Variants in THRA observed in about 807,000 individuals in gnomAD.
THRA encodes thyroid hormone receptor alpha.
Under a neutral mutation model 45.0 loss-of-function variants are expected in THRA, and 13 were observed. That is an observed-to-expected ratio of 0.29 (90% CI 0.19 to 0.46). The LOEUF is 0.46. Among genes scored for constraint, THRA ranks in the 20% least tolerant of loss-of-function variants. THRA has a pLI of 1.00. For missense variants in THRA, 278 were observed against 556.1 expected (o/e 0.50, Z 5.03); for synonymous variants, 195 against 214.0 (o/e 0.91, Z 0.78).
intron 4 of THRA, among the ~76,000 whole-genome samples, chr17:40,077,817 C>T (rs556075156): frequency 1.2e-4 from 19 of 152,234 alleles, no homozygotes; most frequent in Non-Finnish European, 1.9e-4. Flanking sequence ...CTACCTCGGC[C>T]TCCTGAGTAG....
chr17:40,069,152 C>G (rs1986682907), intron 1 of THRA: 1 of 145,570 alleles, frequency 6.9e-6, no homozygotes, highest in African/African-American at 2.6e-5. Flanking sequence ...TCCCCCTCCC[C>G]CTCTCTGTCT....
intron 1 of THRA, among the ~76,000 whole-genome samples, chr17:40,068,597 G>A (rs1234339029): frequency 6.6e-6 from 1 of 152,242 alleles, no homozygotes; most frequent in East Asian, 1.9e-4. Flanking sequence ...AGCAAGATGG[G>A]TGTTACTGGT....
Position 40,089,570 on chromosome 17 carries a change from C to T in THRA, c.*114C>T. 6.8e-7 allele frequency: 1 copy of T among 1,473,700 alleles called. No individual in the cohort carries two copies. The highest frequency in any genetic ancestry group is 9.0e-7 in the Non-Finnish European group (1 of 1,116,566). The allele number at this position is 1,473,700 out of a possible 1,614,324, so 91.3% of individuals were successfully genotyped here. On this transcript the variant is annotated 3_prime_UTR_variant, in exon 9 of 9. Coordinates refer to ENST00000450525, the MANE Select transcript of THRA (RefSeq NM_199334.5). The surrounding 1 kb of genome is among the most constrained non-coding windows in gnomAD (Gnocchi z 6.1). ...CACCCCTTCTCTCCTTCCTCTCGTC[C>T]TTGGATAGATTCAGCTCCCACACAC...
At chr17:40,066,681 A>G (rs1448412699) in intron 1 of THRA, among the ~76,000 whole-genome samples, 9 of 74,808 alleles carry the variant, frequency 1.2e-4, no homozygotes, top group Non-Finnish European at 1.8e-4. Context: ...AAAAAAAAAA[A>G]AAAGAAAAAC....
intron 1 of THRA, among the ~76,000 whole-genome samples, chr17:40,066,690 AC>A (rs1567647142): frequency 2.6e-5 from 2 of 77,286 alleles, no homozygotes; most frequent in African/African-American, 1.2e-4. Context: ...AAAAAGAAAA[AC>A]AAAAAAGAAC....
Position 40,074,433 on chromosome 17 carries a change from G to A in THRA, c.-56G>A. 1.2e-6 allele frequency: 2 copies of A among 1,600,040 alleles called. No homozygotes were observed. The highest frequency in any genetic ancestry group is 1.7e-6 in the Non-Finnish European group (2 of 1,167,862). ...CTGTGGGTGTGCCGGGGGGGCCAGT[G>A]TGCCCACCCCAGTCTCTTGGCGTGC... On this transcript the variant is annotated 5_prime_UTR_variant, in exon 2 of 9. The change creates a new upstream start codon in the 5' untranslated region. Coordinates refer to ENST00000450525, the MANE Select transcript of THRA (RefSeq NM_199334.5).
chr17:40,089,543 C>A lies in THRA; in HGVS notation c.*87C>A. On this transcript the variant is annotated 3_prime_UTR_variant, in exon 9 of 9. Transcript: ENST00000450525. This position sits in a 1 kb window ranked among gnomAD's most constrained non-coding sequence, Gnocchi z 6.1. Reference sequence around the variant, plus strand: ...AGCTGGGGGCTGAGGGAGACCCCCCCACACCCCTTCTCTCCTTCCTCTCGT... The same window carrying A: ...AGCTGGGGGCTGAGGGAGACCCCCCAACACCCCTTCTCTCCTTCCTCTCGT... The A allele has an allele frequency of 6.6e-7, 1 of 1,519,952 alleles. No individual in the cohort carries two copies. Among genetic ancestry groups the A allele is most frequent in the Non-Finnish European group, 8.8e-7 (1 of 1,136,946 alleles). The allele number at this position is 1,519,952 out of a possible 1,614,324, so 94.2% of individuals were successfully genotyped here. A position where few individuals can be genotyped will look rare whatever the true frequency, so the allele number is the denominator to read the frequency against.
chr17:40,086,440 A>G (rs1035227758), intron 6 of THRA, among the ~76,000 whole-genome samples: 1 of 152,234 alleles, frequency 6.6e-6, no homozygotes, highest in Admixed American at 6.5e-5. Flanking sequence ...CATGTAAAAC[A>G]TGTAGCCTGA....
chr17:40,081,073 C>G (rs1288308280), intron 4 of THRA, among the ~76,000 whole-genome samples: 1 of 151,984 alleles, frequency 6.6e-6, no homozygotes, highest in Non-Finnish European at 1.5e-5. Context: ...ACGTTGGTGT[C>G]CCATACCTGA....
intron 1 of THRA, among the ~76,000 whole-genome samples, chr17:40,071,609 CG>C (rs1161366592): frequency 6.6e-6 from 1 of 152,232 alleles, no homozygotes; most frequent in Non-Finnish European, 1.5e-5. Flanking sequence ...TCCGCCCCCT[CG>C]GCCTCCTTGG....
chr17:40,093,275 C>T (rs201037953), downstream of THRA: 18 of 1,613,556 alleles, frequency 1.1e-5, no homozygotes, highest in East Asian at 1.3e-4. The surrounding 1 kb of genome is among the most constrained non-coding windows in gnomAD (Gnocchi z 5.9). Flanking sequence ...TCTCCATGCC[C>T]GAGCGGTCTG....
intron 2 of THRA, among the ~76,000 whole-genome samples, chr17:40,075,875 C>G (rs953871338): frequency 6.6e-6 from 1 of 152,208 alleles, no homozygotes; most frequent in Non-Finnish European, 1.5e-5. Flanking sequence ...CCCCACGGGG[C>G]GTGGAGCATA....
rs1987540937 is a variant in THRA at position 40,091,355 on chromosome 17, CA to C, written c.*1900del. 1 of 152,740 alleles carries C rather than the reference CA, an allele frequency of 6.5e-6. No homozygotes were observed. The highest frequency in any genetic ancestry group is 2.4e-5 in the African/African-American group (1 of 41,420). The allele number at this position is 152,740 out of a possible 1,614,324, so 9.5% of individuals were successfully genotyped here. A position where few individuals can be genotyped will look rare whatever the true frequency, so the allele number is the denominator to read the frequency against. On this transcript the variant is annotated 3_prime_UTR_variant, in exon 9 of 9. Coordinates refer to ENST00000450525, the MANE Select transcript of THRA (RefSeq NM_199334.5). ...TTCCCCAATCGTTCAGGTGTTCCAA[CA>C]GGGGTGGAGGGCCTGGAGGAGCACC...
In THRA at chr17:40,075,878, G is replaced by A. The variant is rs542448532; in HGVS notation, c.54-993G>A. 3.3e-5 allele frequency among the ~76,000 whole-genome samples: 5 copies of A among 152,346 alleles called. No individual in the cohort carries two copies. The South Asian group carries it at 1.0e-3, about 32-fold the overall frequency. On this transcript the variant is annotated intron_variant, in intron 2 of 8. Coordinates refer to ENST00000450525, the MANE Select transcript of THRA (RefSeq NM_199334.5). ...GACCGGAGTAATCCCCACGGGGCGT[G>A]GAGCATAGGGTTGTCTGTGACTGTG... is the stretch of plus-strand genomic sequence containing the variant.
At chr17:40,069,111 C>G in intron 1 of THRA, 1 of 145,002 alleles carries the variant, frequency 6.9e-6, no homozygotes, top group East Asian at 2.1e-4. Context: ...TCTCTCCCTC[C>G]CTCCCTTCCT....
chr17:40,064,619 G>GT (rs1986485730), intron 1 of THRA, among the ~76,000 whole-genome samples: 1 of 152,200 alleles, frequency 6.6e-6, no homozygotes, highest in Non-Finnish European at 1.5e-5. Flanking sequence ...GTGTTCCTGC[G>GT]TAATGGTGTA....
intron 1 of THRA, chr17:40,072,031 A>C (rs1686365837): frequency 6.6e-6 from 1 of 152,324 alleles, no homozygotes; most frequent in South Asian, 2.1e-4. Context: ...GGGGTGGGGC[A>C]GAGAGCGAGT....
At chr17:40,076,715 C>G (rs1175425976) in intron 2 of THRA, among the ~76,000 whole-genome samples, 156 bp from the exon 3 acceptor site, 3 of 152,104 alleles carry the variant, frequency 2.0e-5, no homozygotes, top group African/African-American at 4.8e-5. Context: ...TAACTGGACC[C>G]TTTTAAGCAT....
At position 40,090,032 on chromosome 17, in the gene THRA, CAG is replaced by C. The variant is rs546852493; in HGVS notation, c.*582_*583del. The C allele has an allele frequency of 5.1e-6, 5 of 987,054 alleles. No individual in the cohort carries two copies. In the African/African-American group the frequency reaches 8.7e-5, roughly 17 times the overall value. The allele number at this position is 987,054 out of a possible 1,614,324, so 61.1% of individuals were successfully genotyped here. A position where few individuals can be genotyped will look rare whatever the true frequency, so the allele number is the denominator to read the frequency against. ...AGAAGACAAATGAAGAAAAACTAGA[CAG>C]AGAGAAAAATACAAAAAAGAGAGAG... is the stretch of plus-strand genomic sequence containing the variant. On this transcript the variant is annotated 3_prime_UTR_variant, in exon 9 of 9. Transcript: ENST00000450525.
Sources: allele counts gnomAD v4.1 joint callset (sites outside exome capture counted in the v4.1 genomes callset), GRCh38; gene constraint gnomAD v4.1.1; non-coding constraint Gnocchi (gnomAD v3.1); transcripts MANE v1.5; gene names NCBI Gene and HGNC (gene_info 2026-07-23, HGNC 2026-07-21).